GRIK2: variants seen among roughly 807,000 people sequenced by gnomAD.
GRIK2 encodes the protein glutamate ionotropic receptor kainate type subunit 2, also known as glutamate receptor ionotropic, kainate 2.
GRIK2 carries 32 observed loss-of-function variants against 100.3 expected under a neutral mutation model. The observed-to-expected ratio is 0.32, with a 90% CI of 0.24 to 0.43. GRIK2 has a LOEUF of 0.43. Ranked by LOEUF, GRIK2 falls within the 20% of genes least tolerant of loss-of-function variation. GRIK2 has a pLI of 1.00. For synonymous variants in GRIK2, 417 were observed against 389.4 expected (o/e 1.07, Z -0.83); for missense variants, 843 against 1,114.9 (o/e 0.76, Z 3.47).
At chr6:101,592,815 A>G (rs1778737373) in intron 2 of GRIK2, among the ~76,000 whole-genome samples, 1 of 151,278 alleles carries the variant, frequency 6.6e-6, no homozygotes, top group Non-Finnish European at 1.5e-5. Flanking sequence ...CTGATGTCTC[A>G]TTGAGAGATG....
intron 7 of GRIK2, among the ~76,000 whole-genome samples, chr6:101,704,246 G>A (rs1331244223): frequency 1.3e-5 from 2 of 151,682 alleles, no homozygotes; most frequent in African/African-American, 2.4e-5. Flanking sequence ...AGAGTTGCCA[G>A]TATTTATAAA....
At chr6:101,633,721 C>T (rs1780876104) in intron 4 of GRIK2, among the ~76,000 whole-genome samples, 1 of 151,988 alleles carries the variant, frequency 6.6e-6, no homozygotes, top group Non-Finnish European at 1.5e-5. Context: ...GATTTCTTTC[C>T]AGTCTGTTTC....
intron 7 of GRIK2, among the ~76,000 whole-genome samples, chr6:101,698,396 G>T (rs1415489): frequency 0.63 from 96,001 of 151,848 alleles, 32,400 homozygotes; most frequent in Non-Finnish European, 0.77. Flanking sequence ...GGGTGAATTT[G>T]CCTAACGGAT....
At chr6:101,995,715 T>G (rs1794616796) in intron 14 of GRIK2, among the ~76,000 whole-genome samples, 1 of 151,972 alleles carries the variant, frequency 6.6e-6, no homozygotes, top group Non-Finnish European at 1.5e-5. Context: ...TGTATGTGTG[T>G]GTGCATTTAT....
At chr6:101,741,331 G>A (rs933095298) in intron 7 of GRIK2, among the ~76,000 whole-genome samples, 16 of 152,182 alleles carry the variant, frequency 1.1e-4, no homozygotes, top group African/African-American at 3.9e-4. Context: ...TTGAAATCCA[G>A]ATACACTTGT....
At chr6:101,774,234 C>T (rs1037968764) in intron 7 of GRIK2, among the ~76,000 whole-genome samples, 2 of 151,966 alleles carry the variant, frequency 1.3e-5, no homozygotes, top group African/African-American at 4.8e-5. Context: ...TCTGTTAACA[C>T]CGTAAAAATC....
chr6:101,426,765 T>G (rs1006711964), intron 2 of GRIK2, among the ~76,000 whole-genome samples: 8 of 152,166 alleles, frequency 5.3e-5, no homozygotes, highest in African/African-American at 1.9e-4. Context: ...CTCCTACTGA[T>G]TCCTTCCCTT....
intron 14 of GRIK2, among the ~76,000 whole-genome samples, chr6:102,021,401 T>A (rs936224348): frequency 2.0e-5 from 3 of 148,898 alleles, no homozygotes; most frequent in African/African-American, 5.0e-5. Context: ...TAATATTCTT[T>A]ACAAGATAAT....
chr6:101,525,131 G>C (rs1385388000), intron 2 of GRIK2, among the ~76,000 whole-genome samples: 1 of 152,164 alleles, frequency 6.6e-6, no homozygotes, highest in African/African-American at 2.4e-5. Context: ...AGGCTTTTAA[G>C]AACTGAAGTG....
intron 10 of GRIK2, among the ~76,000 whole-genome samples, chr6:101,830,568 C>T (rs1782612777): frequency 1.3e-5 from 2 of 151,944 alleles, no homozygotes; most frequent in Admixed American, 6.6e-5. Flanking sequence ...ACTGGCACTT[C>T]TCAAAAGAAG....
chr6:101,397,981 T>C (rs1168548462), intron 1 of GRIK2, among the ~76,000 whole-genome samples: 1 of 152,020 alleles, frequency 6.6e-6, no homozygotes, highest in East Asian at 1.9e-4. Context: ...AAAATGTATT[T>C]TTATGTTGAA....
chr6:101,838,212 T>C (rs1417893478), intron 10 of GRIK2, among the ~76,000 whole-genome samples: 1 of 152,244 alleles, frequency 6.6e-6, no homozygotes, highest in Non-Finnish European at 1.5e-5. Context: ...AACTTAAGCA[T>C]AAAAGTACAT....
chr6:101,833,976 G>A (rs1030308565), intron 10 of GRIK2, among the ~76,000 whole-genome samples: 2 of 151,972 alleles, frequency 1.3e-5, no homozygotes, highest in Non-Finnish European at 2.9e-5. Flanking sequence ...TTTATATTAG[G>A]TGAAAAATAA....
At chr6:101,957,723 T>C (rs980733488) in intron 14 of GRIK2, among the ~76,000 whole-genome samples, 1 of 152,076 alleles carries the variant, frequency 6.6e-6, no homozygotes, top group Non-Finnish European at 1.5e-5. Flanking sequence ...GAGATATGGA[T>C]CTAGTTTCAT....
At chr6:101,613,143 C>T (rs1271538108) in intron 2 of GRIK2, among the ~76,000 whole-genome samples, 1 of 151,696 alleles carries the variant, frequency 6.6e-6, no homozygotes, top group African/African-American at 2.4e-5. Context: ...AACTTCTGGA[C>T]TTAGTCAAGC....
At position 101,809,424 on chromosome 6, in the gene GRIK2, A is replaced by G. The variant is rs370787646; in HGVS notation, c.1203+6986A>G. The stretch of plus-strand genomic sequence containing the variant: ...TTGACTCCTGCCCTCATTAAACTTC[A>G]TATGAAAAAGGTGCCTGAATGGAAT... On this transcript the variant is annotated intron_variant, in intron 9 of 16. Coordinates refer to ENST00000369134, the MANE Select transcript of GRIK2 (RefSeq NM_021956.5). Among the ~76,000 whole-genome samples, 277 of 152,124 alleles carry G rather than the reference A, an allele frequency of 1.8e-3. 4 individuals are homozygous for G. In the South Asian group the frequency reaches 0.035, roughly 19 times the overall value.
At chr6:101,749,236 G>C (rs533576601) in intron 7 of GRIK2, among the ~76,000 whole-genome samples, 1 of 152,074 alleles carries the variant, frequency 6.6e-6, no homozygotes, top group Admixed American at 6.6e-5. Flanking sequence ...AGCCTCCCGA[G>C]TAACTGGGAT....
intron 2 of GRIK2, among the ~76,000 whole-genome samples, chr6:101,508,583 G>A (rs777219436): frequency 2.0e-5 from 3 of 151,954 alleles, no homozygotes; most frequent in Non-Finnish European, 4.4e-5. Flanking sequence ...TTCTTGTCAA[G>A]ATACTAAGAT....
At chr6:101,674,485 C>T (rs1371895796) in intron 4 of GRIK2, among the ~76,000 whole-genome samples, 1 of 152,138 alleles carries the variant, frequency 6.6e-6, no homozygotes, top group Non-Finnish European at 1.5e-5. Context: ...ATATAGTTTT[C>T]TGAATGTATA....
Sources: gnomAD v4.1 joint callset for allele counts (sites outside exome capture counted in the v4.1 genomes callset) on GRCh38, gnomAD v4.1.1 for gene constraint, MANE v1.5 for transcripts, NCBI Gene and HGNC (gene_info 2026-07-23, HGNC 2026-07-21) for gene names.